POLR3GL: variants seen among roughly 807,000 people sequenced by gnomAD.
The protein encoded by POLR3GL is RNA polymerase III subunit GL.
POLR3GL carries 26 observed loss-of-function variants against 32.4 expected under a neutral mutation model. The observed-to-expected ratio is 0.80, with a 90% confidence interval of 0.59 to 1.11. The LOEUF (loss-of-function observed/expected upper bound fraction) is 1.11. Ranked by LOEUF, POLR3GL falls within the 50% of genes most tolerant of loss-of-function variation. POLR3GL has a pLI of 0.00. For missense variants in POLR3GL, 229 were observed against 280.1 expected (o/e 0.82, Z 1.30); for synonymous variants, 95 against 98.7 (o/e 0.96, Z 0.22).
intron 1 of POLR3GL, among the ~76,000 whole-genome samples, chr1:145,967,038 T>C (rs1187923801): frequency 6.6e-6 from 1 of 152,148 alleles, no homozygotes; most frequent in Non-Finnish European, 1.5e-5. Context: ...GACAAATTGC[T>C]CCCCTTGAAA....
intron 7 of POLR3GL, 91 bp downstream of exon 7, chr1:145,978,187 ATAGTG>A (rs1231778465): frequency 1.3e-6 from 2 of 1,530,762 alleles, no homozygotes; most frequent in African/African-American, 1.4e-5. Flanking sequence ...GCCAACAGAG[ATAGTG>A]CCCCCCAGGG....
chr1:145,966,584 A>C (rs1650042265), intron 1 of POLR3GL, among the ~76,000 whole-genome samples: 3 of 151,970 alleles, frequency 2.0e-5, no homozygotes, highest in Non-Finnish European at 4.4e-5. Context: ...TCAGGAGTAC[A>C]AGACCAGCCT....
At chr1:145,972,326 G>A (rs1215474074) in intron 1 of POLR3GL, among the ~76,000 whole-genome samples, 1 of 150,584 alleles carries the variant, frequency 6.6e-6, no homozygotes, top group East Asian at 2.0e-4. Flanking sequence ...GTTGCAGCGA[G>A]CCGAGATCGT....
chr1:145,974,793 T>G, intron 1 of POLR3GL, 32 bp from the exon 2 acceptor site: 1 of 1,373,066 alleles, frequency 7.3e-7, no homozygotes, highest in Non-Finnish European at 9.6e-7. Flanking sequence ...TTCTACTACA[T>G]TTCTTTTTCT....
Position 145,977,821 on chromosome 1 carries a change from A to G in POLR3GL, c.426A>G (p.Glu142=). The change falls in exon 6 of 8, where the codon GAA becomes GAG. Residue 142 remains glutamate (E), a synonymous_variant. Transcript: ENST00000369314. Reference sequence around the variant, plus strand: ...CCAAGAGGCCCCCTAAGACCACAGAAGATAAGGAGGAAACAATACAGAAAC... The same window carrying G: ...CCAAGAGGCCCCCTAAGACCACAGAGGATAAGGAGGAAACAATACAGAAAC... ...LLPKRPPKTT[E]DKEETIQKLE... 6.2e-7 allele frequency: 1 copy of G among 1,614,070 alleles called. No individual in the cohort carries two copies. Among genetic ancestry groups the G allele is most frequent in the Non-Finnish European group, 8.5e-7 (1 of 1,179,922 alleles).
Position 145,972,927 on chromosome 1 carries a change from G to C in POLR3GL, c.-41-1898G>C, listed in dbSNP as rs1275009836. Among the ~76,000 whole-genome samples the C allele has an allele frequency of 5.9e-5, 9 of 152,008 alleles. No individual in the cohort carries two copies. In the East Asian group the frequency reaches 1.7e-3, roughly 29 times the overall value. On this transcript the variant is annotated intron_variant, in intron 1 of 7. Coordinates refer to ENST00000369314, the MANE Select transcript of POLR3GL (RefSeq NM_032305.3). ...TGTCCAGACTGGTCTCAAACTCCTAGGGCTCGAGTGATCTGCCCGCTCCAG... is the reference window on the plus strand; with the variant it reads ...TGTCCAGACTGGTCTCAAACTCCTACGGCTCGAGTGATCTGCCCGCTCCAG...
intron 1 of POLR3GL, among the ~76,000 whole-genome samples, chr1:145,973,484 G>A (rs1368021516): frequency 6.6e-6 from 1 of 152,100 alleles, no homozygotes; most frequent in Non-Finnish European, 1.5e-5. Context: ...AGCCCAAGCA[G>A]GTGGATCATT....
intron 1 of POLR3GL, among the ~76,000 whole-genome samples, chr1:145,973,401 C>CA (rs1413500658): frequency 5.9e-5 from 9 of 151,986 alleles, no homozygotes; most frequent in African/African-American, 2.2e-4. Flanking sequence ...GAAATGCCAC[C>CA]AAAAGCTGAA....
chr1:145,975,785 C>T (rs1157925461), intron 3 of POLR3GL, among the ~76,000 whole-genome samples: 1 of 152,076 alleles, frequency 6.6e-6, no homozygotes, highest in Non-Finnish European at 1.5e-5. Flanking sequence ...GATTCTCCTG[C>T]CTTGGCCTCC....
intron 7 of POLR3GL, 91 bp downstream of exon 7, chr1:145,978,187 A>T: frequency 6.5e-7 from 1 of 1,530,880 alleles, no homozygotes; most frequent in Non-Finnish European, 8.8e-7. Flanking sequence ...GCCAACAGAG[A>T]TAGTGCCCCC....
chr1:145,976,815 A>C (rs1273594833), intron 3 of POLR3GL, among the ~76,000 whole-genome samples: 1 of 147,918 alleles, frequency 6.8e-6, no homozygotes. Context: ...CAGGAGACTG[A>C]GGCAGGAGAA....
At chr1:145,978,337 T>C (rs782635237) in intron 7 of POLR3GL, 24 bp from the exon 8 acceptor site, 6 of 1,009,258 alleles carry the variant, frequency 5.9e-6, no homozygotes, top group Non-Finnish European at 8.3e-6. Context: ...AAATTGACTT[T>C]TACTTTTTTT....
At chr1:145,969,339 A>G (rs782621618) in intron 1 of POLR3GL, among the ~76,000 whole-genome samples, 1 of 151,842 alleles carries the variant, frequency 6.6e-6, no homozygotes, top group Non-Finnish European at 1.5e-5. Context: ...ATCTCGGCTC[A>G]CTGCAACCTC....
intron 3 of POLR3GL, among the ~76,000 whole-genome samples, chr1:145,975,921 C>T (rs587596679): frequency 6.6e-6 from 1 of 152,096 alleles, no homozygotes; most frequent in East Asian, 1.9e-4. Flanking sequence ...GCATACTTTC[C>T]ACTGCACCAC....
intron 1 of POLR3GL, among the ~76,000 whole-genome samples, chr1:145,967,718 G>A (rs1650102718): frequency 6.6e-6 from 1 of 152,120 alleles, no homozygotes; most frequent in Admixed American, 6.5e-5. Flanking sequence ...AGTATTGTTT[G>A]TTTGCTGATG....
intron 4 of POLR3GL, 94 bp from the exon 5 acceptor site, chr1:145,977,389 C>G (rs1650606308): frequency 7.8e-7 from 1 of 1,277,616 alleles, no homozygotes; most frequent in South Asian, 1.2e-5. Flanking sequence ...TCCTTCCTCT[C>G]CTTTAAAACC....
intron 1 of POLR3GL, among the ~76,000 whole-genome samples, chr1:145,973,714 G>GA (rs1392646398): frequency 6.9e-4 from 94 of 136,762 alleles, no homozygotes; most frequent in Admixed American, 1.4e-3. Flanking sequence ...TCTGTCTCAA[G>GA]AAAAAAAAAA....
rs782067259 is a variant in POLR3GL, at chr1:145,978,097, G to A, written c.570+1G>A. The A allele has an allele frequency of 4.4e-6, 7 of 1,591,030 alleles. No individual in the cohort carries two copies. Among genetic ancestry groups the A allele is most frequent in the Non-Finnish European group, 6.0e-6 (7 of 1,167,614 alleles). On this transcript the variant is annotated splice_donor_variant, in intron 7 of 7. Transcript: ENST00000369314. LOFTEE classifies it high-confidence loss of function. ...GTATGATGAAGAAGAACATGAAGAG[G>A]TGAAGGGGACTCCTTCCACCTTAGT...
chr1:145,972,665 A>C (rs1221472909), intron 1 of POLR3GL, among the ~76,000 whole-genome samples: 1 of 151,908 alleles, frequency 6.6e-6, no homozygotes, highest in Admixed American at 6.6e-5. Flanking sequence ...AGCCTCATCA[A>C]TATGTTTATT....
Sources: gnomAD v4.1 joint callset for allele counts (sites outside exome capture counted in the v4.1 genomes callset) on GRCh38, gnomAD v4.1.1 for gene constraint, MANE v1.5 for transcripts, NCBI Gene and HGNC (gene_info 2026-07-23, HGNC 2026-07-21) for gene names.